Variants in CAPN2 observed in about 807,000 individuals in gnomAD.
CAPN2 encodes calpain 2.
A neutral mutation model predicts 102.3 loss-of-function variants in CAPN2; 92 were observed. That is an observed-to-expected ratio of 0.90 (90% CI 0.76 to 1.07). The LOEUF (loss-of-function observed/expected upper bound fraction) is 1.07. Among genes scored for constraint, CAPN2 ranks in the 50% least tolerant of loss-of-function variants. CAPN2 has a pLI of 0.00. For missense variants in CAPN2, 800 were observed against 909.4 expected (o/e 0.88, Z 1.55); for synonymous variants, 340 against 355.4 (o/e 0.96, Z 0.49).
intron 17 of CAPN2, 31 bp from the exon 18 acceptor site, chr1:223,770,416 A>G: frequency 6.4e-7 from 1 of 1,551,392 alleles, no homozygotes; most frequent in Non-Finnish European, 8.9e-7. Context: ...GCTTTGGGTC[A>G]TAGTTCTTAC....
At chr1:223,716,280 GA>G (rs1212593178) in intron 1 of CAPN2, among the ~76,000 whole-genome samples, 1 of 152,192 alleles carries the variant, frequency 6.6e-6, no homozygotes. Context: ...AAGTATAATG[GA>G]AAAACCCTGC....
At chr1:223,764,265 A>C in intron 15 of CAPN2, 58 bp downstream of exon 15, 3 of 1,454,514 alleles carry the variant, frequency 2.1e-6, no homozygotes, top group Non-Finnish European at 2.9e-6. Flanking sequence ...GATGGGAGGG[A>C]ACATGGAAAT....
intron 1 of CAPN2, among the ~76,000 whole-genome samples, chr1:223,706,171 G>A (rs1659600783): frequency 2.6e-5 from 4 of 152,164 alleles, no homozygotes; most frequent in African/African-American, 9.7e-5. Flanking sequence ...TGTCTGGGCT[G>A]CTGGATTTCT....
chr1:223,744,502 A>G (rs1456047763), intron 3 of CAPN2, among the ~76,000 whole-genome samples: 1 of 152,138 alleles, frequency 6.6e-6, no homozygotes, highest in Admixed American at 6.5e-5. Flanking sequence ...AAACTGTATT[A>G]TTTGATGTTT....
intron 1 of CAPN2, among the ~76,000 whole-genome samples, chr1:223,717,413 G>T (rs1042736578): frequency 6.6e-6 from 1 of 152,194 alleles, no homozygotes; most frequent in African/African-American, 2.4e-5. Context: ...TAACCCAGTG[G>T]ATAGGGTGGC....
chr1:223,717,193 A>G (rs1659900042), intron 1 of CAPN2, among the ~76,000 whole-genome samples: 2 of 152,186 alleles, frequency 1.3e-5, no homozygotes, highest in African/African-American at 4.8e-5. Flanking sequence ...AAATCAGAGT[A>G]ATACCTAAGT....
chr1:223,717,173 A>T (rs970056375), intron 1 of CAPN2, among the ~76,000 whole-genome samples: 4 of 152,150 alleles, frequency 2.6e-5, no homozygotes, highest in African/African-American at 7.2e-5. Context: ...TCAAAAGGGT[A>T]TGTGTTAGGA....
At chr1:223,702,595 C>G (rs557018680) in intron 1 of CAPN2, among the ~76,000 whole-genome samples, 18 of 152,224 alleles carry the variant, frequency 1.2e-4, no homozygotes, top group Admixed American at 3.9e-4. Flanking sequence ...ATCTCTAAGT[C>G]CATAGAAAAG....
rs535414996 is a variant in CAPN2, at chr1:223,756,165, T to C, written c.1305+516T>C. Among the ~76,000 whole-genome samples, 85 of 152,320 alleles carry C rather than the reference T, an allele frequency of 5.6e-4. No individual in the cohort carries two copies. The highest frequency in any genetic ancestry group is 3.4e-3 in the Middle Eastern group (1 of 294). On this transcript the variant is annotated intron_variant, in intron 10 of 20. Transcript: ENST00000295006. The surrounding 1 kb of genome is among the most constrained non-coding windows in gnomAD (Gnocchi z 4.1). ...GATCCCTACACAGACTCCTGCTGTA[T>C]GCGTGTTTTCCTTTCACTCTGAGCC...
At chr1:223,735,027 C>T (rs1051286423) in intron 2 of CAPN2, among the ~76,000 whole-genome samples, 1 of 152,144 alleles carries the variant, frequency 6.6e-6, no homozygotes, top group Admixed American at 6.6e-5. Context: ...TGCATGTGTG[C>T]CAAATTTGCA....
chr1:223,769,858 GCTGGGGCT>G lies in CAPN2; in HGVS notation c.1774_1781del (p.Leu592GlufsTer23), dbSNP rs759900937. The G allele has an allele frequency of 1.1e-5, 17 of 1,609,146 alleles. 1 individual carries two copies. The highest frequency in any genetic ancestry group is 1.4e-5 in the Non-Finnish European group (17 of 1,177,718). On this transcript the variant is annotated frameshift_variant, in exon 17 of 21. Coordinates refer to ENST00000295006, the MANE Select transcript of CAPN2 (RefSeq NM_001748.5). LOFTEE classifies it high-confidence loss of function. ...GAAGGCAGTCGGACGGGAGTGGCAA[GCTGGGGCT>G]GAAGGAGTTCTACATTCTCTGGACG...
chr1:223,705,923 C>T (rs1659593261), intron 1 of CAPN2, among the ~76,000 whole-genome samples: 1 of 150,152 alleles, frequency 6.7e-6, no homozygotes, highest in Non-Finnish European at 1.5e-5. Flanking sequence ...ATTATTTCCC[C>T]ATTTTAAGAG....
intron 1 of CAPN2, among the ~76,000 whole-genome samples, chr1:223,705,363 T>C (rs1355339217): frequency 1.3e-5 from 2 of 152,206 alleles, no homozygotes; most frequent in Non-Finnish European, 2.9e-5. Flanking sequence ...GGAAATGACA[T>C]ACTGACCACC....
Position 223,755,613 on chromosome 1 carries a change from C to T in CAPN2, c.1269C>T (p.Gly423=), listed in dbSNP as rs368949645. 19 of 1,609,322 alleles carry T rather than the reference C, an allele frequency of 1.2e-5. No homozygotes were observed. Among genetic ancestry groups the T allele is most frequent in the East Asian group, 4.5e-5 (2 of 44,890 alleles). The part of the protein sequence containing the change: ...QKHRRRQRKM[G]EDMHTIGFGI... ...ACCGACGGCGGCAGAGGAAGATGGG[C>T]GAGGACATGCACACCATCGGCTTTG... The change falls in exon 10 of 21, where the codon GGC becomes GGT. Residue 423 remains glycine, a synonymous_variant. Coordinates refer to ENST00000295006, the MANE Select transcript of CAPN2 (RefSeq NM_001748.5). This position sits in a 1 kb window ranked among gnomAD's most constrained non-coding sequence, Gnocchi z 4.1.
chr1:223,747,525 T>A (rs1467712668), intron 5 of CAPN2, among the ~76,000 whole-genome samples: 1 of 152,122 alleles, frequency 6.6e-6, no homozygotes, highest in South Asian at 2.1e-4. Flanking sequence ...GGGGAATTCA[T>A]TGGGCTTAAA....
chr1:223,730,789 C>T (rs965056246), intron 2 of CAPN2, among the ~76,000 whole-genome samples: 1 of 152,208 alleles, frequency 6.6e-6, no homozygotes, highest in African/African-American at 2.4e-5. Flanking sequence ...ACTAAGGGGG[C>T]ACCCATTCAG....
chr1:223,720,198 A>G (rs114387853), intron 2 of CAPN2, among the ~76,000 whole-genome samples: 3 of 152,034 alleles, frequency 2.0e-5, no homozygotes, highest in East Asian at 1.9e-4. Flanking sequence ...GACACCCCCT[A>G]TGAGTTTGTA....
rs777211863 is a variant in CAPN2, at chr1:223,772,195, C to A, written c.2035C>A (p.Leu679Met). ...TCCCTCCACAGAGATATTTAAGCAGCTGGATCCCGAGAATACTGGAACAAT... is the reference window on the plus strand; with the variant it reads ...TCCCTCCACAGAGATATTTAAGCAGATGGATCCCGAGAATACTGGAACAAT... ...LETLFKIFKQLDPENTGTIEL... is the reference protein window; with the variant it reads ...LETLFKIFKQMDPENTGTIEL... Residue 679 changes from leucine (L) to methionine (M), a missense_variant, in exon 20 of 21, where the codon CTG (leucine) becomes ATG (methionine). Leu to Met is a conservative substitution (Grantham distance 15, BLOSUM62 2). Coordinates refer to ENST00000295006, the MANE Select transcript of CAPN2 (RefSeq NM_001748.5). 1.2e-6 allele frequency: 2 copies of A among 1,614,108 alleles called. No homozygotes were observed. The highest frequency in any genetic ancestry group is 3.3e-5 in the Admixed American group (2 of 60,014).
chr1:223,737,153 A>C (rs1571795322), intron 2 of CAPN2, among the ~76,000 whole-genome samples: 1 of 152,238 alleles, frequency 6.6e-6, no homozygotes, highest in Non-Finnish European at 1.5e-5. Flanking sequence ...TGCTTGACTA[A>C]GCATAAGGCT....
Sources: gnomAD v4.1 joint callset for allele counts (sites outside exome capture counted in the v4.1 genomes callset) on GRCh38, gnomAD v4.1.1 for gene constraint, Gnocchi (gnomAD v3.1) non-coding constraint, MANE v1.5 for transcripts, NCBI Gene and HGNC (gene_info 2026-07-23, HGNC 2026-07-21) for gene names.